ALCAM: variants seen among roughly 807,000 people sequenced by gnomAD.
ALCAM encodes activated leukocyte cell adhesion molecule, also known as CD166 antigen.
In ALCAM, 30 loss-of-function variants were observed where a neutral mutation model predicts 70.9. The ratio of observed to expected loss-of-function variants is 0.42; its 90% CI spans 0.32 to 0.57. The LOEUF (loss-of-function observed/expected upper bound fraction) is 0.57. Among genes scored for constraint, ALCAM ranks in the 20% least tolerant of loss-of-function variants. The probability of loss-of-function intolerance (pLI) is 0.11; values close to 1 mark genes in which losing one functional copy is unlikely to be tolerated. For missense variants in ALCAM, 591 were observed against 695.1 expected (o/e 0.85, Z 1.68); for synonymous variants, 249 against 242.5 (o/e 1.03, Z -0.25).
At chr3:105,556,522 C>G (rs779109044) in intron 14 of ALCAM, among the ~76,000 whole-genome samples, 1 of 151,898 alleles carries the variant, frequency 6.6e-6, no homozygotes, top group East Asian at 1.9e-4. Flanking sequence ...CTGCCTTATA[C>G]GATGCTTTAT....
At chr3:105,492,616 T>C (rs971459237) in intron 1 of ALCAM, among the ~76,000 whole-genome samples, 28 of 152,226 alleles carry the variant, frequency 1.8e-4, no homozygotes, top group Admixed American at 1.3e-4. Context: ...ACCCAACATA[T>C]GTCAAATAAT....
rs544989023 is a variant in ALCAM at position 105,498,933 on chromosome 3, T to A, written c.74-21134T>A. Among the ~76,000 whole-genome samples, 7 of 152,310 alleles carry A rather than the reference T, an allele frequency of 4.6e-5. No homozygotes were observed. The South Asian group carries it at 1.5e-3, about 32-fold the overall frequency. On this transcript the variant is annotated intron_variant, in intron 1 of 15. Transcript: ENST00000306107. Reference sequence around the variant, plus strand: ...AACTGCTAAAACAGTGTGAGAAAATTCTTGAAGAAGTTATATAAATATTAA... The same window carrying A: ...AACTGCTAAAACAGTGTGAGAAAATACTTGAAGAAGTTATATAAATATTAA...
intron 12 of ALCAM, among the ~76,000 whole-genome samples, chr3:105,550,860 C>T (rs1354217491): frequency 6.6e-6 from 1 of 151,584 alleles, no homozygotes; most frequent in African/African-American, 2.4e-5. Flanking sequence ...AAAAATCTGT[C>T]GATGTTGAAA....
Position 105,417,056 on chromosome 3 carries a change from A to G in ALCAM, c.73+49575A>G, listed in dbSNP as rs562467525. ...TTTGCCTAATTCCCCTGTGCCATTC[A>G]TCTCCTCTTTATCACCTTTGTACTC... On this transcript the variant is annotated intron_variant, in intron 1 of 15. Coordinates refer to ENST00000306107, the MANE Select transcript of ALCAM (RefSeq NM_001627.4). 3.0e-4 allele frequency among the ~76,000 whole-genome samples: 46 copies of G among 151,896 alleles called. No homozygotes were observed. In the South Asian group the frequency reaches 9.1e-3, roughly 30 times the overall value.
intron 1 of ALCAM, among the ~76,000 whole-genome samples, chr3:105,405,134 G>A (rs963654195): frequency 1.3e-5 from 2 of 151,808 alleles, no homozygotes; most frequent in African/African-American, 2.4e-5. Flanking sequence ...AAAATTAGCT[G>A]GGCGTGGTGG....
At position 105,524,392 on chromosome 3, in the gene ALCAM, C is replaced by T. The variant is rs1939639760; in HGVS notation, c.278C>T (p.Ser93Leu). 6.2e-7 allele frequency: 1 copy of T among 1,613,996 alleles called. No homozygotes were observed. The highest frequency in any genetic ancestry group is 1.7e-5 in the Admixed American group (1 of 60,000). ...GAATACAAAGACAGATTGAACCTCT[C>T]AGAAAACTACACTTTGTCTATCAGT... ...VPEYKDRLNL[S>L]ENYTLSISNA... Residue 93 changes from serine to leucine, a missense_variant, in exon 3 of 16, where the codon TCA becomes TTA. This residue lies in a region of ALCAM where 427 missense variants were observed against 450.4 expected (regional missense o/e 0.95). Transcript: ENST00000306107.
At chr3:105,403,534 G>A (rs1251250518) in intron 1 of ALCAM, among the ~76,000 whole-genome samples, 1 of 152,088 alleles carries the variant, frequency 6.6e-6, no homozygotes, top group African/African-American at 2.4e-5. Context: ...GGAGAAGGGG[G>A]AGAACACCAC....
chr3:105,561,560 A>G (rs1940631777), intron 14 of ALCAM, among the ~76,000 whole-genome samples: 1 of 152,062 alleles, frequency 6.6e-6, no homozygotes, highest in African/African-American at 2.4e-5. Flanking sequence ...AATCCTCCAG[A>G]TTACCTAGTC....
intron 14 of ALCAM, among the ~76,000 whole-genome samples, chr3:105,556,504 TG>T (rs1276493124): frequency 4.6e-5 from 7 of 152,128 alleles, no homozygotes; most frequent in Non-Finnish European, 1.0e-4. Flanking sequence ...AAATACCCTT[TG>T]TTAGTTCTGC....
intron 3 of ALCAM, among the ~76,000 whole-genome samples, chr3:105,529,621 T>A (rs1939790429): frequency 6.6e-6 from 1 of 152,160 alleles, no homozygotes; most frequent in South Asian, 2.1e-4. Context: ...CTTTTCCAAA[T>A]AGAAAGACGA....
chr3:105,371,715 T>A (rs772277804), intron 1 of ALCAM, among the ~76,000 whole-genome samples: 4 of 152,122 alleles, frequency 2.6e-5, no homozygotes, highest in Non-Finnish European at 4.4e-5. Flanking sequence ...TCTGGCCATT[T>A]ATTTAGCATA....
In ALCAM at chr3:105,541,915, T is replaced by C. The variant is rs111618484; in HGVS notation, c.991+150T>C. On this transcript the variant is annotated intron_variant, in intron 8 of 15. Coordinates refer to ENST00000306107, the MANE Select transcript of ALCAM (RefSeq NM_001627.4). ...AGAGAGAGAAAGCATCGGGATAAGC[T>C]CAACTTTGTCCAGATTTGTACTGCA... 6.6e-6 allele frequency: 7 copies of C among 1,064,456 alleles called. No homozygotes were observed. In the East Asian group the frequency reaches 7.5e-5, roughly 11 times the overall value. 65.9% of individuals were successfully genotyped at this position (1,064,456 alleles called of 1,614,324 possible).
intron 15 of ALCAM, among the ~76,000 whole-genome samples, chr3:105,572,222 G>A (rs1247683744): frequency 3.3e-5 from 5 of 152,032 alleles, no homozygotes; most frequent in Non-Finnish European, 5.9e-5. Flanking sequence ...CTCCTAATGC[G>A]TCCCTCCCCT....
At chr3:105,495,656 A>ATT in intron 1 of ALCAM, among the ~76,000 whole-genome samples, 1 of 152,346 alleles carries the variant, frequency 6.6e-6, no homozygotes, top group African/African-American at 2.4e-5. Flanking sequence ...CGGTGGAATA[A>ATT]TACATTTTAC....
chr3:105,390,059 A>G (rs539611516), intron 1 of ALCAM, among the ~76,000 whole-genome samples: 8 of 151,854 alleles, frequency 5.3e-5, no homozygotes, highest in Non-Finnish European at 8.8e-5. Context: ...CTGTGCATGT[A>G]TCTTTATAAA....
chr3:105,566,419 G>A (rs978562012), intron 14 of ALCAM, among the ~76,000 whole-genome samples: 1 of 152,064 alleles, frequency 6.6e-6, no homozygotes, highest in African/African-American at 2.4e-5. Flanking sequence ...CCTTATATAT[G>A]AAACCTTTGT....
At chr3:105,466,511 A>G (rs1937741045) in intron 1 of ALCAM, among the ~76,000 whole-genome samples, 1 of 151,284 alleles carries the variant, frequency 6.6e-6, no homozygotes, top group African/African-American at 2.4e-5. Context: ...TTCTTTCTGG[A>G]ATTTTTTTTT....
At chr3:105,379,652 A>G (rs1395593010) in intron 1 of ALCAM, among the ~76,000 whole-genome samples, 2 of 151,882 alleles carry the variant, frequency 1.3e-5, no homozygotes, top group Middle Eastern at 3.2e-3. Context: ...TTATGATTTT[A>G]AATACATTAT....
chr3:105,487,953 G>T (rs1938476544), intron 1 of ALCAM, among the ~76,000 whole-genome samples: 1 of 152,152 alleles, frequency 6.6e-6, no homozygotes, highest in Non-Finnish European at 1.5e-5. Flanking sequence ...TTTGAAATAT[G>T]ATCTCCAATG....
Sources: gnomAD v4.1 joint callset for allele counts (sites outside exome capture counted in the v4.1 genomes callset) on GRCh38, gnomAD v4.1.1 for gene constraint, gnomAD v4.1.1 regional missense constraint, MANE v1.5 for transcripts, NCBI Gene and HGNC (gene_info 2026-07-23, HGNC 2026-07-21) for gene names.